Variants in MON2 observed in about 807,000 individuals in gnomAD.
MON2 encodes the protein protein MON2 homolog.
In MON2, 84 loss-of-function variants were observed where a neutral mutation model predicts 208.6. That is an observed-to-expected ratio of 0.40 (90% confidence interval 0.34 to 0.48). The LOEUF is 0.48. MON2 is among the 20% of genes least tolerant of loss of function. The probability of loss-of-function intolerance (pLI) is 0.59; values close to 1 mark genes in which losing one functional copy is unlikely to be tolerated. For synonymous variants in MON2, 660 were observed against 694.0 expected, an observed-to-expected ratio of 0.95 and a Z score of 0.77; for missense variants, 1,611 against 2,015.4, an observed-to-expected ratio of 0.80 and a Z score of 3.84.
intron 30 of MON2, among the ~76,000 whole-genome samples, chr12:62,573,526 A>G (rs574624376): frequency 1.5e-3 from 235 of 151,956 alleles, no homozygotes; most frequent in African/African-American, 5.3e-3. Context: ...CAGGAGTCAA[A>G]TCCAGCCTGA....
chr12:62,580,449 G>T, intron 32 of MON2, 29 bp downstream of exon 32: 1 of 1,538,906 alleles, frequency 6.5e-7, no homozygotes. Context: ...GTATTAAAAA[G>T]TATTGAAGTA....
intron 8 of MON2, among the ~76,000 whole-genome samples, chr12:62,519,056 A>G (rs1015145843): frequency 1.3e-5 from 2 of 152,206 alleles, no homozygotes; most frequent in African/African-American, 4.8e-5. Flanking sequence ...AATAATTCTT[A>G]TACTTTTTAG....
chr12:62,525,340 G>T (rs991068269), intron 10 of MON2, 120 bp downstream of exon 10: 1 of 966,968 alleles, frequency 1.0e-6, no homozygotes, highest in African/African-American at 1.6e-5. Flanking sequence ...AAACATGTTG[G>T]TAGTAAAGAA....
At chr12:62,582,394 A>G (rs772065213) in intron 32 of MON2, among the ~76,000 whole-genome samples, 2 of 152,234 alleles carry the variant, frequency 1.3e-5, no homozygotes, top group African/African-American at 4.8e-5. Flanking sequence ...GCTTCACGTG[A>G]GAGTCCTTCA....
At chr12:62,467,410 C>A in intron 1 of MON2, 92 bp downstream of exon 1, 1 of 1,012,896 alleles carries the variant, frequency 9.9e-7, no homozygotes, top group Non-Finnish European at 1.5e-6. Flanking sequence ...TCCTAATTTT[C>A]ATTCAGGCCT....
At chr12:62,500,933 T>C in intron 6 of MON2, 53 bp downstream of exon 6, 1 of 1,140,086 alleles carries the variant, frequency 8.8e-7, no homozygotes, top group Non-Finnish European at 1.2e-6. Context: ...TTTGTGTGAA[T>C]TTTTTAGTTG....
At chr12:62,514,733 C>T (rs1021888764) in intron 8 of MON2, among the ~76,000 whole-genome samples, 2 of 152,200 alleles carry the variant, frequency 1.3e-5, no homozygotes, top group African/African-American at 4.8e-5. Context: ...TCACAAATTA[C>T]ATACCTGAAA....
chr12:62,587,950 C>T, intron 33 of MON2, 124 bp from the exon 34 acceptor site: 2 of 588,596 alleles, frequency 3.4e-6, no homozygotes, highest in Non-Finnish European at 6.0e-6. Context: ...TAACATTAAC[C>T]TTGCATTGTA....
At chr12:62,473,852 C>T (rs1295561391) in intron 1 of MON2, among the ~76,000 whole-genome samples, 2 of 152,038 alleles carry the variant, frequency 1.3e-5, no homozygotes, top group South Asian at 2.1e-4. Context: ...ATTACAGACC[C>T]GAGCCACTGT....
intron 34 of MON2, among the ~76,000 whole-genome samples, chr12:62,591,714 A>AC (rs33999908): frequency 3.9e-5 from 6 of 152,308 alleles, no homozygotes; most frequent in Admixed American, 3.3e-4. Flanking sequence ...GACCAGGGAC[A>AC]CCCATCATTG....
chr12:62,467,248 T>C lies in MON2; in HGVS notation c.41T>C (p.Leu14Pro). 6.2e-7 allele frequency: 1 copy of C among 1,613,934 alleles called. No homozygotes were observed. The highest frequency in any genetic ancestry group is 8.5e-7 in the Non-Finnish European group (1 of 1,180,028). Residue 14 changes from leucine to proline, a missense_variant, in exon 1 of 35, where the codon CTG becomes CCG. Leu to Pro is a moderately conservative substitution (Grantham distance 98). Coordinates refer to ENST00000393630, the MANE Select transcript of MON2 (RefSeq NM_015026.3). ...TSSPEAVKKL[L>P]ENMQSDLRAL... Reference sequence around the variant, plus strand: ...AGCCCCGAGGCGGTGAAGAAGCTGCTGGAGAATATGCAGAGCGACTTGCGC... The same window carrying C: ...AGCCCCGAGGCGGTGAAGAAGCTGCCGGAGAATATGCAGAGCGACTTGCGC...
intron 2 of MON2, among the ~76,000 whole-genome samples, chr12:62,491,394 C>CT (rs2070130683): frequency 6.6e-6 from 1 of 152,076 alleles, no homozygotes; most frequent in African/African-American, 2.4e-5. Flanking sequence ...TTGTCACTGA[C>CT]TTTTTTTGTT....
intron 6 of MON2, 45 bp downstream of exon 6, chr12:62,500,925 T>G: frequency 1.6e-6 from 2 of 1,242,404 alleles, no homozygotes; most frequent in Non-Finnish European, 2.2e-6. Flanking sequence ...AATATAGTTT[T>G]GTGTGAATTT....
rs2070831084 is a variant in MON2, at chr12:62,501,498, A to T, written c.664-75A>T. The T allele has an allele frequency of 1.1e-5, 16 of 1,520,918 alleles. No homozygotes were observed. In the East Asian group the frequency reaches 3.6e-4, roughly 35 times the overall value. 94.2% of individuals were successfully genotyped at this position (1,520,918 alleles called of 1,614,324 possible). On this transcript the variant is annotated intron_variant, in intron 6 of 34. Coordinates refer to ENST00000393630, the MANE Select transcript of MON2 (RefSeq NM_015026.3). Reference sequence around the variant, plus strand: ...TTATATAAGAAGATAGATTTTTTTTAAAGATTTATGAACTGCGAGTTTGGA... The same window carrying T: ...TTATATAAGAAGATAGATTTTTTTTTAAGATTTATGAACTGCGAGTTTGGA...
At chr12:62,564,075 T>TATAA in intron 26 of MON2, among the ~76,000 whole-genome samples, 1 of 152,240 alleles carries the variant, frequency 6.6e-6, no homozygotes, top group Non-Finnish European at 1.5e-5. Context: ...TAGATGTCTT[T>TATAA]TTACTACTTT....
chr12:62,506,206 A>G (rs1337940136), intron 7 of MON2, among the ~76,000 whole-genome samples: 2 of 152,236 alleles, frequency 1.3e-5, no homozygotes, highest in Non-Finnish European at 2.9e-5. Context: ...TTTGGCAGTC[A>G]GATAAACTAA....
At chr12:62,490,004 TG>T in intron 2 of MON2, 1 of 1,193,512 alleles carries the variant, frequency 8.4e-7, no homozygotes, top group Non-Finnish European at 1.1e-6. Flanking sequence ...TGATTCATAG[TG>T]GGGTATCCTA....
intron 11 of MON2, among the ~76,000 whole-genome samples, chr12:62,530,467 G>A (rs1190420426): frequency 6.6e-5 from 10 of 151,904 alleles, no homozygotes; most frequent in African/African-American, 1.7e-4. Context: ...TCCTGACCTC[G>A]TGATCCACCT....
At chr12:62,583,230 G>A (rs899199772) in intron 32 of MON2, among the ~76,000 whole-genome samples, 1 of 152,088 alleles carries the variant, frequency 6.6e-6, no homozygotes, top group Non-Finnish European at 1.5e-5. Flanking sequence ...TACTTGGGAG[G>A]CTGAGGTGGG....
Sources: gnomAD v4.1 joint callset for allele counts (sites outside exome capture counted in the v4.1 genomes callset) on GRCh38, gnomAD v4.1.1 for gene constraint, MANE v1.5 for transcripts, NCBI Gene and HGNC (gene_info 2026-07-23, HGNC 2026-07-21) for gene names.